AUH: variants seen among roughly 807,000 people sequenced by gnomAD.
AUH encodes the protein AU RNA binding methylglutaconyl-CoA hydratase, also known as methylglutaconyl-CoA hydratase, mitochondrial.
In AUH, 29 loss-of-function variants were observed where a neutral mutation model predicts 42.3. The observed-to-expected ratio is 0.69, with a 90% confidence interval of 0.51 to 0.93. AUH has a LOEUF of 0.93. Among genes scored for constraint, AUH ranks in the 40% least tolerant of loss-of-function variants. The pLI, the probability that AUH is intolerant of heterozygous loss-of-function variation, is 0.00. For missense variants in AUH, 452 were observed against 438.1 expected (o/e 1.03, Z -0.28); for synonymous variants, 174 against 166.4 (o/e 1.05, Z -0.35).
intron 3 of AUH, chr9:91,342,730 G>A (rs542446856): frequency 2.9e-4 from 44 of 152,266 alleles, no homozygotes; most frequent in African/African-American, 8.9e-4. Context: ...GAAAGGGCAC[G>A]AGTACTCTGA....
intron 3 of AUH, among the ~76,000 whole-genome samples, chr9:91,339,325 C>A (rs1830929365): frequency 6.6e-6 from 1 of 152,220 alleles, no homozygotes; most frequent in South Asian, 2.1e-4. Context: ...AAGTGAGGGA[C>A]TGTACTGTCA....
At chr9:91,236,018 GT>G (rs1386609186) in intron 6 of AUH, among the ~76,000 whole-genome samples, 1 of 152,166 alleles carries the variant, frequency 6.6e-6, no homozygotes. Flanking sequence ...TTTTCTTATT[GT>G]TTAAGCCAGC....
At chr9:91,355,131 T>C (rs1832309675) in intron 3 of AUH, among the ~76,000 whole-genome samples, 1 of 152,198 alleles carries the variant, frequency 6.6e-6, no homozygotes, top group Admixed American at 6.5e-5. Context: ...TTTTAAGAAA[T>C]GTATTAAGGA....
intron 6 of AUH, among the ~76,000 whole-genome samples, chr9:91,243,438 G>C (rs1443242238): frequency 1.3e-5 from 2 of 152,246 alleles, no homozygotes; most frequent in Non-Finnish European, 2.9e-5. Flanking sequence ...CTCCGGTTGG[G>C]CAGGTGTTGC....
intron 4 of AUH, among the ~76,000 whole-genome samples, chr9:91,316,967 T>C (rs1361488648): frequency 1.3e-5 from 2 of 152,228 alleles, no homozygotes; most frequent in East Asian, 3.8e-4. Flanking sequence ...CATTGAAGTT[T>C]TAGTTTCCAC....
intron 3 of AUH, among the ~76,000 whole-genome samples, chr9:91,332,884 C>T (rs533820570): frequency 6.6e-6 from 1 of 152,290 alleles, no homozygotes; most frequent in East Asian, 1.9e-4. Context: ...AAAGGTGAAG[C>T]AGAGGACACA....
Position 91,216,069 on chromosome 9 carries a change from C to A in AUH, c.932G>T (p.Cys311Phe). 1.2e-6 allele frequency: 2 copies of A among 1,612,556 alleles called. No individual in the cohort carries two copies. The highest frequency in any genetic ancestry group is 1.7e-6 in the Non-Finnish European group (2 of 1,178,814). The part of the protein sequence containing the change: ...LVTGLAIEEA[C>F]YAQTIPTKDR... ...GATTGCATTACATACCTGAGCATAA[C>A]AAGCTTCTTCTATGGCTAACCCTGT... is the stretch of plus-strand genomic sequence containing the variant. The change falls in exon 9 of 10, where the codon TGT becomes TTT. Residue 311 changes from cysteine (C) to phenylalanine (F), a missense_variant. By Grantham distance (205) the Cys-to-Phe change is radical (BLOSUM62 -2). Transcript: ENST00000375731.
chr9:91,289,805 T>C (rs1826712812), intron 6 of AUH, among the ~76,000 whole-genome samples: 1 of 152,216 alleles, frequency 6.6e-6, no homozygotes, highest in African/African-American at 2.4e-5. Flanking sequence ...AAGATTTTTC[T>C]ACATAAAAAT....
intron 3 of AUH, among the ~76,000 whole-genome samples, chr9:91,336,710 AAAG>A (rs1830721116): frequency 6.6e-6 from 1 of 152,070 alleles, no homozygotes. Flanking sequence ...AAGAAAGAAA[AAAG>A]AAATGAACCT....
chr9:91,323,217 T>A (rs1829720751), intron 4 of AUH, among the ~76,000 whole-genome samples: 1 of 152,178 alleles, frequency 6.6e-6, no homozygotes, highest in South Asian at 2.1e-4. Flanking sequence ...AAAACTGCAT[T>A]ACTTATAGGT....
At chr9:91,311,998 A>G (rs1024750759) in intron 4 of AUH, among the ~76,000 whole-genome samples, 2 of 151,844 alleles carry the variant, frequency 1.3e-5, no homozygotes, top group Admixed American at 6.6e-5. Flanking sequence ...CATCTCAAAA[A>G]TAGTCACATG....
At chr9:91,309,044 G>A (rs906011537) in intron 4 of AUH, among the ~76,000 whole-genome samples, 1 of 151,584 alleles carries the variant, frequency 6.6e-6, no homozygotes, top group Non-Finnish European at 1.5e-5. Flanking sequence ...CACCAGCCTC[G>A]ACCTCCCAAA....
intron 6 of AUH, among the ~76,000 whole-genome samples, chr9:91,253,073 TG>T (rs1829223653): frequency 6.6e-6 from 1 of 152,226 alleles, no homozygotes. Context: ...CTATTTGAAA[TG>T]ATTAAGTTTA....
chr9:91,243,860 C>G (rs924755797), intron 6 of AUH, among the ~76,000 whole-genome samples: 1 of 152,188 alleles, frequency 6.6e-6, no homozygotes, highest in Non-Finnish European at 1.5e-5. Context: ...TAGCTTTACT[C>G]TTCATCGGGA....
At chr9:91,233,852 T>C (rs1828028707) in intron 6 of AUH, among the ~76,000 whole-genome samples, 1 of 152,194 alleles carries the variant, frequency 6.6e-6, no homozygotes, top group African/African-American at 2.4e-5. Flanking sequence ...GTTTTAGTTA[T>C]CAGGCATACA....
intron 6 of AUH, among the ~76,000 whole-genome samples, chr9:91,248,964 C>G (rs925333920): frequency 4.6e-5 from 7 of 152,048 alleles, no homozygotes; most frequent in Non-Finnish European, 8.8e-5. Flanking sequence ...CAGTGGATAC[C>G]TCCATGTAAA....
At chr9:91,266,831 G>A (rs1205558506) in intron 6 of AUH, among the ~76,000 whole-genome samples, 1 of 152,120 alleles carries the variant, frequency 6.6e-6, no homozygotes, top group East Asian at 1.9e-4. Context: ...GTAACTTAGA[G>A]GTATGTATAG....
intron 4 of AUH, among the ~76,000 whole-genome samples, chr9:91,316,765 T>C (rs977149253): frequency 1.3e-5 from 2 of 152,258 alleles, no homozygotes; most frequent in East Asian, 1.9e-4. Flanking sequence ...TATGTACTTA[T>C]CAATGCATAC....
chr9:91,343,984 A>G (rs1307517138), intron 3 of AUH, among the ~76,000 whole-genome samples: 1 of 152,154 alleles, frequency 6.6e-6, no homozygotes, highest in East Asian at 1.9e-4. Context: ...TCCAAAGCTA[A>G]CCTGAGAAAC....
Sources: allele counts gnomAD v4.1 joint callset (sites outside exome capture counted in the v4.1 genomes callset), GRCh38; gene constraint gnomAD v4.1.1; transcripts MANE v1.5; gene names NCBI Gene and HGNC (gene_info 2026-07-23, HGNC 2026-07-21).